Variants in SNCAIP observed in about 807,000 individuals in gnomAD.
The protein encoded by SNCAIP is synphilin-1.
Under a neutral mutation model 86.7 loss-of-function variants are expected in SNCAIP, and 43 were observed. The observed-to-expected ratio is 0.50, with a 90% CI of 0.39 to 0.64. The LOEUF (loss-of-function observed/expected upper bound fraction) is 0.64, where lower values mean the gene tolerates loss of function less well. Ranked by LOEUF, SNCAIP falls within the 30% of genes least tolerant of loss-of-function variation. SNCAIP has a pLI of 0.00. For missense variants in SNCAIP, 981 were observed against 1,103.1 expected, an observed-to-expected ratio of 0.89 and a Z score of 1.57; for synonymous variants, 417 against 427.2, an observed-to-expected ratio of 0.98 and a Z score of 0.29.
chr5:122,381,452 GT>G (rs1459885540), intron 1 of SNCAIP, among the ~76,000 whole-genome samples: 1 of 147,428 alleles, frequency 6.8e-6, no homozygotes, highest in Non-Finnish European at 1.5e-5. Context: ...CGTGAGATGG[GT>G]TTCCTGAATA....
chr5:122,312,591 C>T (rs936831367), intron 1 of SNCAIP: 1 of 152,296 alleles, frequency 6.6e-6, no homozygotes, highest in African/African-American at 2.4e-5. Flanking sequence ...TTGCCCGCCT[C>T]ATGTGGTTCT....
intron 6 of SNCAIP, among the ~76,000 whole-genome samples, chr5:122,439,751 C>T (rs1484339503): frequency 6.6e-6 from 1 of 152,192 alleles, no homozygotes; most frequent in Non-Finnish European, 1.5e-5. Context: ...ACCCACTAAA[C>T]TTCATGCTGT....
At chr5:122,403,340 G>A (rs1400703682) in intron 2 of SNCAIP, among the ~76,000 whole-genome samples, 2 of 152,122 alleles carry the variant, frequency 1.3e-5, no homozygotes, top group Non-Finnish European at 2.9e-5. Flanking sequence ...AGTCAGCATC[G>A]GCACAGACAT....
At chr5:122,352,304 T>C (rs1298470702) in intron 1 of SNCAIP, among the ~76,000 whole-genome samples, 2 of 152,214 alleles carry the variant, frequency 1.3e-5, no homozygotes, top group Non-Finnish European at 2.9e-5. Flanking sequence ...TTAAGCCTTC[T>C]TTTTAGAAAT....
intron 1 of SNCAIP, among the ~76,000 whole-genome samples, chr5:122,353,095 T>C (rs1032657131): frequency 6.6e-6 from 1 of 152,178 alleles, no homozygotes; most frequent in Admixed American, 6.5e-5. Context: ...TACTTTTTCT[T>C]ATTGGTTGAG....
In SNCAIP at chr5:122,450,666, G is replaced by C. The variant is rs1783531664; in HGVS notation, c.1819G>C (p.Ala607Pro). The change falls in exon 10 of 11, where the codon GCT becomes CCT. Residue 607 changes from alanine to proline, a missense_variant. Transcript: ENST00000261368. Reference protein sequence around the residue: ...VLGSLSASSRARPKAKDEDSD... With the variant: ...VLGSLSASSRPRPKAKDEDSD... Reference sequence around the variant, plus strand: ...TGGAAGCCTGTCAGCCTCCAGCCGGGCTAGACCCAAAGCAAAAGATGAAGA... The same window carrying C: ...TGGAAGCCTGTCAGCCTCCAGCCGGCCTAGACCCAAAGCAAAAGATGAAGA... 1 of 1,614,038 alleles carries C rather than the reference G, an allele frequency of 6.2e-7. No individual in the cohort carries two copies. Among genetic ancestry groups the C allele is most frequent in the Admixed American group, 1.7e-5 (1 of 60,008 alleles).
intron 7 of SNCAIP, among the ~76,000 whole-genome samples, chr5:122,441,578 C>T (rs962266017): frequency 2.6e-5 from 4 of 152,198 alleles, no homozygotes; most frequent in African/African-American, 9.7e-5. Flanking sequence ...GGTGACATCT[C>T]ATCCCTCAGT....
chr5:122,314,004 A>T (rs1751202912), intron 1 of SNCAIP, among the ~76,000 whole-genome samples: 1 of 152,178 alleles, frequency 6.6e-6, no homozygotes, highest in African/African-American at 2.4e-5. Context: ...AAAGTTACAG[A>T]TAGTAGATTT....
intron 2 of SNCAIP, among the ~76,000 whole-genome samples, chr5:122,398,197 T>C (rs1465576950): frequency 6.6e-6 from 1 of 152,146 alleles, no homozygotes; most frequent in Non-Finnish European, 1.5e-5. Flanking sequence ...GGTGCTTGCT[T>C]ATCTTTATAA....
intron 10 of SNCAIP, among the ~76,000 whole-genome samples, chr5:122,461,669 G>GT (rs55705552): frequency 0.13 from 17,770 of 133,216 alleles, 1,101 homozygotes; most frequent in Non-Finnish European, 0.14. Flanking sequence ...TTTTATAGCT[G>GT]TTTTTTTTTT....
At chr5:122,437,593 G>T (rs1218263372) in intron 6 of SNCAIP, among the ~76,000 whole-genome samples, 1 of 152,096 alleles carries the variant, frequency 6.6e-6, no homozygotes, top group Non-Finnish European at 1.5e-5. Context: ...ACCCAAGACT[G>T]GATTTGAGGT....
At chr5:122,312,589 C>T (rs1482820025) in intron 1 of SNCAIP, 1 of 152,306 alleles carries the variant, frequency 6.6e-6, no homozygotes, top group East Asian at 1.9e-4. Context: ...ATTTGCCCGC[C>T]TCATGTGGTT....
intron 1 of SNCAIP, among the ~76,000 whole-genome samples, chr5:122,316,310 G>T (rs1206030876): frequency 2.0e-5 from 3 of 152,168 alleles, no homozygotes; most frequent in Non-Finnish European, 2.9e-5. Flanking sequence ...AGCATACCAG[G>T]CAAGAGAACA....
At chr5:122,427,763 T>A (rs1309973601) in intron 5 of SNCAIP, among the ~76,000 whole-genome samples, 1 of 152,146 alleles carries the variant, frequency 6.6e-6, no homozygotes, top group Non-Finnish European at 1.5e-5. Context: ...TTGGTACAAA[T>A]GTACAGAAGT....
chr5:122,434,194 C>T (rs1778952165), intron 6 of SNCAIP, among the ~76,000 whole-genome samples: 2 of 152,068 alleles, frequency 1.3e-5, no homozygotes, highest in African/African-American at 4.8e-5. Flanking sequence ...TTCATGTCTC[C>T]GATTTCATTT....
chr5:122,411,331 G>A (rs2152896419), intron 3 of SNCAIP, among the ~76,000 whole-genome samples: 1 of 152,224 alleles, frequency 6.6e-6, no homozygotes, highest in Non-Finnish European at 1.5e-5. Flanking sequence ...TCCTGTCACA[G>A]GAATAGCAGT....
chr5:122,394,618 A>G (rs1770188721), intron 2 of SNCAIP, among the ~76,000 whole-genome samples: 1 of 152,296 alleles, frequency 6.6e-6, no homozygotes, highest in South Asian at 2.1e-4. Context: ...CTCTCTTCCT[A>G]TGGAAGCCAG....
intron 1 of SNCAIP, among the ~76,000 whole-genome samples, chr5:122,385,506 GC>G (rs1287659029): frequency 1.3e-5 from 2 of 152,284 alleles, no homozygotes; most frequent in Non-Finnish European, 2.9e-5. Context: ...TGCCAGCCAA[GC>G]TACTGAGCCA....
chr5:122,428,485 T>A (rs1234473792), intron 5 of SNCAIP, among the ~76,000 whole-genome samples: 1 of 151,924 alleles, frequency 6.6e-6, no homozygotes, highest in Non-Finnish European at 1.5e-5. Context: ...TACCCAACAA[T>A]AGCAGAAAAC....
Sources: allele counts gnomAD v4.1 joint callset (sites outside exome capture counted in the v4.1 genomes callset), GRCh38; gene constraint gnomAD v4.1.1; transcripts MANE v1.5; gene names NCBI Gene and HGNC (gene_info 2026-07-23, HGNC 2026-07-21).